Variants in TEKT5 observed in about 807,000 individuals in gnomAD.
TEKT5 encodes the protein tektin-5.
In TEKT5, 52 loss-of-function variants were observed where a neutral mutation model predicts 48.7. The ratio of observed to expected loss-of-function variants is 1.07; its 90% CI spans 0.86 to 1.35. The LOEUF is 1.35. Among genes scored for constraint, TEKT5 ranks in the 40% most tolerant of loss-of-function variants. The pLI is 0.00. For missense variants in TEKT5, 831 were observed against 641.6 expected, an observed-to-expected ratio of 1.30 and a Z score of -3.19; for synonymous variants, 318 against 267.6, an observed-to-expected ratio of 1.19 and a Z score of -1.84.
At chr16:10,651,540 T>A (rs1235934377) in intron 5 of TEKT5, among the ~76,000 whole-genome samples, 1 of 152,242 alleles carries the variant, frequency 6.6e-6, no homozygotes, top group Non-Finnish European at 1.5e-5. Flanking sequence ...ATGTAACACT[T>A]AGCATACTGC....
At chr16:10,657,309 G>C (rs971233527) in intron 5 of TEKT5, among the ~76,000 whole-genome samples, 2 of 151,226 alleles carry the variant, frequency 1.3e-5, no homozygotes, top group Non-Finnish European at 2.9e-5. Context: ...TGTGTATTTA[G>C]TAGAAACAGG....
Position 10,627,688 on chromosome 16 carries a change from C to A in TEKT5, c.1353G>T (p.Glu451Asp), listed in dbSNP as rs757189555. ...QLLVMTKCRL[E>D]HELAIKANTL... ...TGTTGGCCTTGATGGCGAGCTCGTG[C>A]TCCAGCCGGCACTTGGTCATGACCA... is the stretch of plus-strand genomic sequence containing the variant. The change falls in exon 7 of 7, where the codon GAG (glutamate) becomes GAT (aspartate). Residue 451 changes from glutamate to aspartate, a missense_variant. By Grantham distance (45) the Glu-to-Asp change is conservative (BLOSUM62 2). Transcript: ENST00000283025. The A allele has an allele frequency of 1.2e-6, 2 of 1,614,222 alleles. No individual in the cohort carries two copies. The highest frequency in any genetic ancestry group is 3.3e-5 in the Admixed American group (2 of 60,032).
chr16:10,669,130 G>A (rs1567232243), intron 5 of TEKT5, among the ~76,000 whole-genome samples: 1 of 152,160 alleles, frequency 6.6e-6, no homozygotes, highest in Non-Finnish European at 1.5e-5. Context: ...GTTCACAGCA[G>A]CTTTATTTGT....
At chr16:10,693,024 G>A (rs1163283619) in intron 1 of TEKT5, 1 of 152,238 alleles carries the variant, frequency 6.6e-6, no homozygotes, top group African/African-American at 2.4e-5. Context: ...AACTGAGCAG[G>A]GAGACAACTG....
chr16:10,693,901 C>T (rs1250889403), intron 1 of TEKT5, among the ~76,000 whole-genome samples: 3 of 152,076 alleles, frequency 2.0e-5, no homozygotes, highest in South Asian at 2.1e-4. Context: ...ACCCAGGAGG[C>T]GGAAGTCGCA....
intron 4 of TEKT5, 29 bp from the exon 5 acceptor site, chr16:10,676,210 A>G: frequency 6.2e-7 from 1 of 1,608,234 alleles, no homozygotes; most frequent in Non-Finnish European, 8.5e-7. Context: ...GAGTTGCAGC[A>G]GTCCTGGAAG....
intron 6 of TEKT5, among the ~76,000 whole-genome samples, chr16:10,632,668 G>A (rs1319395867): frequency 6.6e-6 from 1 of 151,974 alleles, no homozygotes; most frequent in African/African-American, 2.4e-5. Context: ...ATTGGAGTAG[G>A]TCAGGAGAAG....
At chr16:10,674,451 T>C (rs149769491) in intron 5 of TEKT5, among the ~76,000 whole-genome samples, 177 of 151,736 alleles carry the variant, frequency 1.2e-3, no homozygotes, top group African/African-American at 3.8e-3. Context: ...CTAAGCAACA[T>C]AGCGAAACCC....
chr16:10,685,667 C>T lies in TEKT5; in HGVS notation c.720-3531G>A, dbSNP rs146983074. On this transcript the variant is annotated intron_variant, in intron 3 of 6. Coordinates refer to ENST00000283025, the MANE Select transcript of TEKT5 (RefSeq NM_144674.2). Reference sequence around the variant, plus strand: ...TTCTCTGTCTCTATCTCATCTCTTGCCAGATACTTCTGGCATATCTGACTC... The same window carrying T: ...TTCTCTGTCTCTATCTCATCTCTTGTCAGATACTTCTGGCATATCTGACTC... Among the ~76,000 whole-genome samples the T allele has an allele frequency of 3.1e-4, 47 of 152,246 alleles. No individual in the cohort carries two copies. The East Asian group carries it at 7.7e-3, about 25-fold the overall frequency.
intron 4 of TEKT5, among the ~76,000 whole-genome samples, chr16:10,678,319 G>A (rs1898684828): frequency 6.6e-6 from 1 of 152,064 alleles, no homozygotes; most frequent in South Asian, 2.1e-4. Flanking sequence ...GGATGGTCTG[G>A]ATCTCTTGAC....
At chr16:10,688,340 C>G (rs1898900473) in intron 3 of TEKT5, among the ~76,000 whole-genome samples, 1 of 152,360 alleles carries the variant, frequency 6.6e-6, no homozygotes, top group South Asian at 2.1e-4. Context: ...CAGAACTAAC[C>G]CCTTCGGGGG....
intron 5 of TEKT5, among the ~76,000 whole-genome samples, chr16:10,674,275 G>T (rs964833833): frequency 6.6e-6 from 1 of 151,992 alleles, no homozygotes; most frequent in Non-Finnish European, 1.5e-5. Flanking sequence ...TGGGTCCCAT[G>T]AGAATATCTG....
At chr16:10,660,891 T>C (rs1353963442) in intron 5 of TEKT5, among the ~76,000 whole-genome samples, 1 of 152,020 alleles carries the variant, frequency 6.6e-6, no homozygotes, top group Non-Finnish European at 1.5e-5. Flanking sequence ...AGTTGAGATG[T>C]GGTTTCGCCA....
chr16:10,686,098 C>G (rs540882326), intron 3 of TEKT5, among the ~76,000 whole-genome samples: 78 of 152,244 alleles, frequency 5.1e-4, no homozygotes, highest in African/African-American at 1.8e-3. Context: ...ACAAAAATAA[C>G]TGGAAGAAAG....
intron 5 of TEKT5, among the ~76,000 whole-genome samples, chr16:10,667,268 GCCA>G (rs1337404772): frequency 6.6e-6 from 1 of 152,168 alleles, no homozygotes; most frequent in African/African-American, 2.4e-5. Flanking sequence ...ACAGGCATGA[GCCA>G]CCACGCCTGG....
intron 3 of TEKT5, among the ~76,000 whole-genome samples, chr16:10,688,470 A>C (rs1437902373): frequency 1.3e-5 from 2 of 152,198 alleles, no homozygotes; most frequent in Non-Finnish European, 2.9e-5. Context: ...GCCCATGTGC[A>C]CCAGGCAGCG....
intron 5 of TEKT5, among the ~76,000 whole-genome samples, chr16:10,650,103 GCTCTATTGC>G (rs5815593): frequency 0.083 from 12,409 of 149,422 alleles, 570 homozygotes; most frequent in African/African-American, 0.11. Flanking sequence ...ACGAAGTCTT[GCTCTATTGC>G]CCACGCTGGA....
chr16:10,687,165 T>C (rs981147659), intron 3 of TEKT5, among the ~76,000 whole-genome samples: 2 of 152,180 alleles, frequency 1.3e-5, no homozygotes, highest in African/African-American at 2.4e-5. Flanking sequence ...ATGGTGACCA[T>C]AGTTAACAAC....
In TEKT5 at chr16:10,627,734, G is replaced by A. The variant is rs1897773731; in HGVS notation, c.1307C>T (p.Thr436Ile). The change falls in exon 7 of 7, where the codon ACA (threonine) becomes ATA (isoleucine). Residue 436 changes from threonine (T) to isoleucine (I), a missense_variant. Transcript: ENST00000283025. ...GACCAGCAGCTGCAGCGTGTCCTGT[G>A]TCTCCCGCAGCCGCAGCTTGAGGGT... ...LQTLKLRLRE[T>I]QDTLQLLVMT... 1 of 1,614,058 alleles carries A rather than the reference G, an allele frequency of 6.2e-7. No individual in the cohort carries two copies. Among genetic ancestry groups the A allele is most frequent in the African/African-American group, 1.3e-5 (1 of 74,948 alleles).
Sources: gnomAD v4.1 joint callset for allele counts (sites outside exome capture counted in the v4.1 genomes callset) on GRCh38, gnomAD v4.1.1 for gene constraint, MANE v1.5 for transcripts, NCBI Gene and HGNC (gene_info 2026-07-23, HGNC 2026-07-21) for gene names.